Variants in LRRC7 observed in about 807,000 individuals in gnomAD.
LRRC7 encodes the protein leucine rich repeat containing 7.
In LRRC7, 23 loss-of-function variants were observed where a neutral mutation model predicts 175.7. The ratio of observed to expected loss-of-function variants is 0.13; its 90% CI spans 0.09 to 0.19. LRRC7 has a LOEUF of 0.19. LRRC7 is among the 10% of genes least tolerant of loss of function. The pLI is 1.00. For synonymous variants in LRRC7, 685 were observed against 680.9 expected, an observed-to-expected ratio of 1.01 and a Z score of -0.09; for missense variants, 1,354 against 1,904.7, an observed-to-expected ratio of 0.71 and a Z score of 5.38.
intron 1 of LRRC7, among the ~76,000 whole-genome samples, chr1:69,671,544 C>G (rs141486511): frequency 1.3e-5 from 2 of 152,114 alleles, no homozygotes; most frequent in Non-Finnish European, 2.9e-5. Context: ...AGTCCACTGG[C>G]GCTGAGCCCA....
intron 11 of LRRC7, among the ~76,000 whole-genome samples, chr1:70,004,512 GACAC>G: frequency 6.6e-6 from 1 of 152,108 alleles, no homozygotes; most frequent in Admixed American, 6.6e-5. Context: ...TAGGCCTTAT[GACAC>G]GTGGTTAAGT....
chr1:69,714,492 G>A (rs1235443854), intron 2 of LRRC7, among the ~76,000 whole-genome samples: 1 of 152,128 alleles, frequency 6.6e-6, no homozygotes, highest in African/African-American at 2.4e-5. Flanking sequence ...TTAGAGGACA[G>A]TGAAATATTA....
At chr1:70,108,073 G>T (rs1304907942) in intron 26 of LRRC7, among the ~76,000 whole-genome samples, 2 of 150,206 alleles carry the variant, frequency 1.3e-5, no homozygotes, top group Non-Finnish European at 1.5e-5. Flanking sequence ...TGAATTGAAT[G>T]GAATTACTTG....
intron 4 of LRRC7, 115 bp downstream of exon 4, chr1:69,792,275 G>T: frequency 1.5e-6 from 1 of 647,728 alleles, no homozygotes; most frequent in Admixed American, 2.8e-5. Flanking sequence ...TGTTGCAACT[G>T]TAGTTTAATG....
At chr1:69,956,698 A>T (rs1650525767) in intron 8 of LRRC7, among the ~76,000 whole-genome samples, 1 of 151,778 alleles carries the variant, frequency 6.6e-6, no homozygotes, top group Non-Finnish European at 1.5e-5. Flanking sequence ...AAAAATTAGA[A>T]TGTATTGTAA....
intron 19 of LRRC7, 68 bp from the exon 20 acceptor site, chr1:70,036,376 T>C (rs1659314138): frequency 6.7e-7 from 1 of 1,499,336 alleles, no homozygotes; most frequent in African/African-American, 1.4e-5. Context: ...GTTTCCATTT[T>C]TCATACTTGC....
chr1:69,997,043 C>T (rs1281795220), intron 11 of LRRC7, among the ~76,000 whole-genome samples: 4 of 152,112 alleles, frequency 2.6e-5, no homozygotes, highest in African/African-American at 7.2e-5. Flanking sequence ...ATAGAATGTT[C>T]TTCCATTTGT....
At chr1:69,689,169 A>G (rs981218323) in intron 2 of LRRC7, among the ~76,000 whole-genome samples, 16 of 152,202 alleles carry the variant, frequency 1.1e-4, no homozygotes, top group Non-Finnish European at 1.9e-4. Flanking sequence ...TTTTAAAACC[A>G]GACTCACTTC....
At chr1:69,850,635 T>C (rs1405714443) in intron 7 of LRRC7, among the ~76,000 whole-genome samples, 1 of 152,108 alleles carries the variant, frequency 6.6e-6, no homozygotes, top group Non-Finnish European at 1.5e-5. Flanking sequence ...TCCTTGCTGA[T>C]GGACAGAATG....
At position 69,576,454 on chromosome 1, in the gene LRRC7, C is replaced by A. The variant is rs554368634; in HGVS notation, c.2+7813C>A. Among the ~76,000 whole-genome samples the A allele has an allele frequency of 2.6e-5, 4 of 152,106 alleles. 1 individual carries two copies. In the South Asian group the frequency reaches 8.3e-4, roughly 32 times the overall value. On this transcript the variant is annotated intron_variant, in intron 1 of 26. Coordinates refer to ENST00000651989, the MANE Select transcript of LRRC7 (RefSeq NM_001370785.2). ...AGATGTTTTATAACCCACCAGCAAACCATATTAGCAATGATTATAAAGCAT... is the reference window on the plus strand; with the variant it reads ...AGATGTTTTATAACCCACCAGCAAAACATATTAGCAATGATTATAAAGCAT...
At chr1:69,845,862 G>C (rs1416212941) in intron 7 of LRRC7, among the ~76,000 whole-genome samples, 1 of 152,006 alleles carries the variant, frequency 6.6e-6, no homozygotes, top group Non-Finnish European at 1.5e-5. Flanking sequence ...CTGTGTGATT[G>C]TGTAATCATA....
intron 2 of LRRC7, among the ~76,000 whole-genome samples, chr1:69,718,142 G>GAAAGTA (rs1553146139): frequency 1.4e-5 from 1 of 73,716 alleles, no homozygotes; most frequent in Non-Finnish European, 2.4e-5. Flanking sequence ...AAGAAAGAGA[G>GAAAGTA]AGAAAGAAAG....
chr1:69,641,580 C>T (rs1164598386), intron 1 of LRRC7, among the ~76,000 whole-genome samples: 2 of 151,312 alleles, frequency 1.3e-5, no homozygotes, highest in Non-Finnish European at 3.0e-5. Context: ...ATTTTTATTC[C>T]TATGGAAGCA....
chr1:69,760,034 T>G, intron 2 of LRRC7, 157 bp from the exon 3 acceptor site: 1 of 746,102 alleles, frequency 1.3e-6, no homozygotes. Flanking sequence ...GCAGGGCTGT[T>G]TAAGGATTTA....
chr1:69,770,600 T>C (rs1266614579), intron 3 of LRRC7, among the ~76,000 whole-genome samples: 1 of 152,228 alleles, frequency 6.6e-6, no homozygotes, highest in Non-Finnish European at 1.5e-5. Flanking sequence ...TAAACAGTTG[T>C]CATGATTGAG....
At chr1:69,705,523 G>A (rs1051875382) in intron 2 of LRRC7, among the ~76,000 whole-genome samples, 6 of 152,106 alleles carry the variant, frequency 3.9e-5, no homozygotes, top group Non-Finnish European at 8.8e-5. Context: ...ACACAGATGA[G>A]GGTTATCTTC....
intron 1 of LRRC7, among the ~76,000 whole-genome samples, chr1:69,676,113 C>A (rs1314200686): frequency 6.6e-6 from 1 of 151,452 alleles, no homozygotes; most frequent in African/African-American, 2.4e-5. Flanking sequence ...TTTTTTAAGC[C>A]CCAATGATAA....
chr1:70,088,238 C>T (rs1311885124), intron 24 of LRRC7, among the ~76,000 whole-genome samples: 2 of 152,034 alleles, frequency 1.3e-5, no homozygotes, highest in Admixed American at 6.6e-5. Flanking sequence ...ACACTTGGTT[C>T]ACCTAATACT....
At chr1:69,669,984 G>C (rs1658831845) in intron 1 of LRRC7, among the ~76,000 whole-genome samples, 1 of 151,990 alleles carries the variant, frequency 6.6e-6, no homozygotes, top group South Asian at 2.1e-4. Context: ...TTCCTTCACT[G>C]TGTTACCTTG....
Sources: allele counts gnomAD v4.1 joint callset (sites outside exome capture counted in the v4.1 genomes callset), GRCh38; gene constraint gnomAD v4.1.1; transcripts MANE v1.5; gene names NCBI Gene and HGNC (gene_info 2026-07-23, HGNC 2026-07-21).